AXDND1: variants seen among roughly 807,000 people sequenced by gnomAD.
The protein encoded by AXDND1 is axonemal dynein light chain domain-containing protein 1.
Under a neutral mutation model 137.5 loss-of-function variants are expected in AXDND1, and 110 were observed. The observed-to-expected ratio is 0.80, with a 90% CI of 0.69 to 0.94. The LOEUF is 0.94. Ranked by LOEUF, AXDND1 falls within the 40% of genes least tolerant of loss-of-function variation. AXDND1 has a pLI of 0.00. For missense variants in AXDND1, 1,191 were observed against 1,169.8 expected, an observed-to-expected ratio of 1.02 and a Z score of -0.26; for synonymous variants, 414 against 399.7, an observed-to-expected ratio of 1.04 and a Z score of -0.43.
At chr1:179,393,271 G>A (rs1010410786) in intron 9 of AXDND1, among the ~76,000 whole-genome samples, 5 of 152,116 alleles carry the variant, frequency 3.3e-5, no homozygotes, top group Non-Finnish European at 5.9e-5. Flanking sequence ...CAGATCAGTT[G>A]GCTGTAAGTA....
chr1:179,415,341 CAA>C (rs1021458086), intron 12 of AXDND1, among the ~76,000 whole-genome samples: 6 of 151,818 alleles, frequency 4.0e-5, no homozygotes, highest in Non-Finnish European at 7.4e-5. Context: ...GACTGCATCT[CAA>C]AAAACAAAAC....
At chr1:179,453,188 A>G (rs1193543177) in intron 16 of AXDND1, 2 of 152,276 alleles carry the variant, frequency 1.3e-5, no homozygotes, top group Non-Finnish European at 2.9e-5. Flanking sequence ...CCTCATGGAA[A>G]ACCTCTGCTA....
At chr1:179,534,697 T>C in intron 24 of AXDND1, 33 bp from the exon 25 acceptor site, 1 of 1,542,848 alleles carries the variant, frequency 6.5e-7, no homozygotes, top group Non-Finnish European at 8.7e-7. Context: ...TTTCAACCCT[T>C]TCTATTTTGT....
chr1:179,417,208 A>C (rs945000154), intron 12 of AXDND1, among the ~76,000 whole-genome samples: 1 of 120,912 alleles, frequency 8.3e-6, no homozygotes, highest in African/African-American at 3.2e-5. Flanking sequence ...TTTTTTTGCT[A>C]TTGAGTTGTT....
chr1:179,464,327 C>T (rs1662813481), intron 16 of AXDND1, among the ~76,000 whole-genome samples: 1 of 152,178 alleles, frequency 6.6e-6, no homozygotes, highest in Admixed American at 6.5e-5. Flanking sequence ...TAAAATCTCT[C>T]AGCATTTGCT....
chr1:179,476,207 A>G (rs939537741), intron 17 of AXDND1, among the ~76,000 whole-genome samples: 2 of 152,200 alleles, frequency 1.3e-5, no homozygotes, highest in Non-Finnish European at 2.9e-5. Flanking sequence ...AAACACAAAA[A>G]TACATTGTTA....
intron 4 of AXDND1, among the ~76,000 whole-genome samples, chr1:179,375,370 C>T (rs1253942460): frequency 3.9e-5 from 6 of 151,916 alleles, no homozygotes; most frequent in Non-Finnish European, 8.8e-5. Context: ...CCCTAAAATA[C>T]TAGGATTATA....
intron 15 of AXDND1, among the ~76,000 whole-genome samples, chr1:179,434,161 C>T (rs1331181327): frequency 6.6e-6 from 1 of 152,076 alleles, no homozygotes; most frequent in Non-Finnish European, 1.5e-5. Flanking sequence ...TTGTCAGAGA[C>T]TAGTGTTGCA....
rs1040479346 is a variant in AXDND1 at position 179,551,261 on chromosome 1, T to C, written c.3032-3251T>C. ...GAAGGGGAGGCTTCCCTGAGTTCTG[T>C]TGCTGGGAGAAGACAGGCAATTCAG... On this transcript the variant is annotated intron_variant, in intron 25 of 25. Transcript: ENST00000367618. The C allele has an allele frequency of 5.0e-6, 8 of 1,613,950 alleles. No individual in the cohort carries two copies. The highest frequency in any genetic ancestry group is 2.2e-5 in the East Asian group (1 of 44,880).
intron 11 of AXDND1, among the ~76,000 whole-genome samples, chr1:179,408,185 T>C (rs78285106): frequency 1.7e-3 from 254 of 152,292 alleles, no homozygotes; most frequent in Admixed American, 3.0e-3. Flanking sequence ...GATTTATTTG[T>C]GTTCTTTATC....
At chr1:179,419,644 AGAGGGG>A (rs71111994) in intron 12 of AXDND1, among the ~76,000 whole-genome samples, 32,759 of 72,886 alleles carry the variant, frequency 0.45, 5,130 homozygotes, top group Non-Finnish European at 0.47. Context: ...AGGGAGAGGG[AGAGGGG>A]GAGGGGGAGG....
At chr1:179,460,030 T>C (rs1403896321) in intron 16 of AXDND1, among the ~76,000 whole-genome samples, 1 of 150,908 alleles carries the variant, frequency 6.6e-6, no homozygotes, top group Non-Finnish European at 1.5e-5. Context: ...CCTTCTTTCA[T>C]TTCTTTTATT....
intron 17 of AXDND1, among the ~76,000 whole-genome samples, chr1:179,476,813 T>A (rs1192005832): frequency 6.6e-6 from 1 of 152,220 alleles, no homozygotes; most frequent in Non-Finnish European, 1.5e-5. Context: ...GCATTTTGAC[T>A]CTCATATATA....
At chr1:179,366,842 A>G (rs1667471380) in intron 2 of AXDND1, among the ~76,000 whole-genome samples, 1 of 152,196 alleles carries the variant, frequency 6.6e-6, no homozygotes, top group Non-Finnish European at 1.5e-5. Flanking sequence ...TGATTTATAT[A>G]TGATTTTAAA....
At chr1:179,519,994 C>T (rs572204944) in intron 21 of AXDND1, among the ~76,000 whole-genome samples, 17 of 125,520 alleles carry the variant, frequency 1.4e-4, no homozygotes, top group South Asian at 9.9e-4. Flanking sequence ...GCCATTTTAA[C>T]GATATTGATT....
At chr1:179,466,543 G>A (rs1269623590) in intron 16 of AXDND1, among the ~76,000 whole-genome samples, 1 of 151,952 alleles carries the variant, frequency 6.6e-6, no homozygotes, top group Non-Finnish European at 1.5e-5. Flanking sequence ...TTCAGTCCTA[G>A]AATTTATTAA....
intron 12 of AXDND1, among the ~76,000 whole-genome samples, chr1:179,425,733 T>A (rs2125290744): frequency 6.6e-6 from 1 of 151,644 alleles, no homozygotes; most frequent in South Asian, 2.1e-4. Context: ...GAGGCTGCAG[T>A]GAGCTGAGAT....
chr1:179,551,628 C>T (rs759753192), intron 25 of AXDND1: 1 of 671,744 alleles, frequency 1.5e-6, no homozygotes, highest in Admixed American at 2.6e-5. Flanking sequence ...ACAGATTAAA[C>T]TGTTAATCAC....
intron 16 of AXDND1, among the ~76,000 whole-genome samples, chr1:179,445,618 T>C (rs1659631433): frequency 6.6e-6 from 1 of 152,198 alleles, no homozygotes; most frequent in Admixed American, 6.5e-5. Flanking sequence ...CTGTTTGATC[T>C]TTTGACTGGG....
Sources: allele counts gnomAD v4.1 joint callset (sites outside exome capture counted in the v4.1 genomes callset), GRCh38; gene constraint gnomAD v4.1.1; transcripts MANE v1.5; gene names NCBI Gene and HGNC (gene_info 2026-07-23, HGNC 2026-07-21).